UGT1A6: variants seen among roughly 807,000 people sequenced by gnomAD.
The protein encoded by UGT1A6 is UDP-glucuronosyltransferase 1A6.
A neutral mutation model predicts 44.4 loss-of-function variants in UGT1A6; 32 were observed. That is an observed-to-expected ratio of 0.72 (90% CI 0.54 to 0.97). The LOEUF (loss-of-function observed/expected upper bound fraction) is 0.97. UGT1A6 is among the 50% of genes least tolerant of loss of function. The pLI is 0.00. For synonymous variants in UGT1A6, 238 were observed against 248.5 expected (o/e 0.96, Z 0.40); for missense variants, 685 against 661.9 (o/e 1.03, Z -0.38).
rs886044683 is a variant in UGT1A6 at position 233,760,424 on chromosome 2, C to T, written c.862-6610C>T. The T allele has an allele frequency of 3.3e-5, 53 of 1,614,062 alleles. No individual in the cohort carries two copies. Among genetic ancestry groups the T allele is most frequent in the Non-Finnish European group, 4.4e-5 (52 of 1,180,038 alleles). On this transcript the variant is annotated intron_variant, in intron 1 of 4. Coordinates refer to ENST00000305139, the MANE Select transcript of UGT1A6 (RefSeq NM_001072.4). ...AGCCACTGGCTGAGCATGCTTGGGG[C>T]CATCCAGCAGCTGCAGCAGAGGGGA...
intron 1 of UGT1A6, among the ~76,000 whole-genome samples, chr2:233,762,360 A>G (rs1698052842): frequency 6.6e-6 from 1 of 152,238 alleles, no homozygotes; most frequent in Non-Finnish European, 1.5e-5. Context: ...TACTCCAGCT[A>G]TTACATACCA....
intron 1 of UGT1A6, among the ~76,000 whole-genome samples, chr2:233,737,380 C>T (rs1472756282): frequency 6.6e-6 from 1 of 152,238 alleles, no homozygotes; most frequent in Non-Finnish European, 1.5e-5. Context: ...GGGAGAGAAT[C>T]TCCTTGTCTG....
At position 233,729,155 on chromosome 2, in the gene UGT1A6, C is replaced by T. The variant is rs754518469; in HGVS notation, c.861+35290C>T. The T allele has an allele frequency of 1.4e-5, 23 of 1,613,596 alleles. No homozygotes were observed. The highest frequency in any genetic ancestry group is 5.0e-5 in the Admixed American group (3 of 60,022). On this transcript the variant is annotated intron_variant, in intron 1 of 4. Coordinates refer to ENST00000305139, the MANE Select transcript of UGT1A6 (RefSeq NM_001072.4). ...GCCACAGGACTCCAGGTTCCCCTGC[C>T]GTGGCTGGCCACAGGACTGCTGCTT...
At chr2:233,695,723 A>G (rs1232477680) in intron 1 of UGT1A6, among the ~76,000 whole-genome samples, 1 of 152,152 alleles carries the variant, frequency 6.6e-6, no homozygotes, top group Non-Finnish European at 1.5e-5. Flanking sequence ...ACTTCCAGTT[A>G]CATTTATGTT....
intron 1 of UGT1A6, chr2:233,755,212 T>G (rs1192331400): frequency 1.0e-5 from 11 of 1,054,576 alleles, no homozygotes; most frequent in Admixed American, 3.8e-5. Context: ...TACGCCTTCT[T>G]GATACCCTCG....
rs182081835 is a variant in UGT1A6 at position 233,702,413 on chromosome 2, T to G, written c.861+8548T>G. 3.3e-3 allele frequency among the ~76,000 whole-genome samples: 497 copies of G among 152,322 alleles called. 1 individual carries two copies. Among genetic ancestry groups the G allele is most frequent in the South Asian group, 4.6e-3 (22 of 4,828 alleles). On this transcript the variant is annotated intron_variant, in intron 1 of 4. Coordinates refer to ENST00000305139, the MANE Select transcript of UGT1A6 (RefSeq NM_001072.4). ...AGATCATGTTATCTACAAATAGAGA[T>G]AGCGTTACTTCTTCCTTTCTAATAA... is the stretch of plus-strand genomic sequence containing the variant.
intron 1 of UGT1A6, among the ~76,000 whole-genome samples, chr2:233,703,389 A>T (rs77142050): frequency 0.032 from 4,829 of 151,980 alleles, 259 homozygotes; most frequent in African/African-American, 0.11. Flanking sequence ...TATATTTTCA[A>T]ATAAACAATT....
intron 1 of UGT1A6, among the ~76,000 whole-genome samples, chr2:233,714,507 T>A (rs1275407158): frequency 6.6e-6 from 1 of 152,186 alleles, no homozygotes; most frequent in African/African-American, 2.4e-5. Flanking sequence ...TTAAAAAAAA[T>A]TCTTACTAGG....
intron 1 of UGT1A6, chr2:233,747,444 A>G: frequency 6.2e-7 from 1 of 1,609,016 alleles, no homozygotes; most frequent in East Asian, 2.2e-5. Flanking sequence ...TTTCACCCTG[A>G]CAACCTATGC....
In UGT1A6 at chr2:233,733,915, C is replaced by T. The variant is rs114264669; in HGVS notation, c.862-33119C>T. On this transcript the variant is annotated intron_variant, in intron 1 of 4. Coordinates refer to ENST00000305139, the MANE Select transcript of UGT1A6 (RefSeq NM_001072.4). ...CTGTTTGTACCTCTCTGGTAGAATT[C>T]GGCTGTGAGGAAGGGGAACATCACA... is the stretch of plus-strand genomic sequence containing the variant. Among the ~76,000 whole-genome samples, 1,498 of 151,134 alleles carry T rather than the reference C, an allele frequency of 9.9e-3. 23 individuals are homozygous for T. The highest frequency in any genetic ancestry group is 0.035 in the African/African-American group (1,427 of 41,026).
At chr2:233,705,248 A>G (rs2125599704) in intron 1 of UGT1A6, among the ~76,000 whole-genome samples, 1 of 152,180 alleles carries the variant, frequency 6.6e-6, no homozygotes, top group African/African-American at 2.4e-5. Flanking sequence ...ATGAATTCAG[A>G]TTATTCTATG....
chr2:233,748,845 C>A (rs936990961), intron 1 of UGT1A6, among the ~76,000 whole-genome samples: 1 of 151,120 alleles, frequency 6.6e-6, no homozygotes, highest in South Asian at 2.1e-4. Context: ...AAACTGTGAG[C>A]GTATAAGCCC....
chr2:233,757,535 A>AATATATAT lies in UGT1A6; in HGVS notation c.862-9480_862-9473dup, dbSNP rs67292694. On this transcript the variant is annotated intron_variant, in intron 1 of 4. Transcript: ENST00000305139. ...CAAAGCCAAAATCTTGCCTGTAAGG[A>AATATATAT]ATATATATATATATATATATATATA... Among the ~76,000 whole-genome samples the AATATATAT allele has an allele frequency of 9.1e-3, 800 of 88,270 alleles. 30 individuals are homozygous for AATATATAT. Among genetic ancestry groups the AATATATAT allele is most frequent in the African/African-American group, 0.032 (642 of 19,900 alleles). The allele number at this position is 88,270 out of a possible 152,430, so 57.9% of individuals were successfully genotyped here.
chr2:233,694,172 G>C (rs2075203496), intron 1 of UGT1A6, among the ~76,000 whole-genome samples: 1 of 152,246 alleles, frequency 6.6e-6, no homozygotes, highest in African/African-American at 2.4e-5. Flanking sequence ...AGAGGTGAAG[G>C]CTTGACTAAG....
At chr2:233,752,307 G>C (rs1030795011) in intron 1 of UGT1A6, 2 of 152,160 alleles carry the variant, frequency 1.3e-5, no homozygotes, top group African/African-American at 4.8e-5. Context: ...TTCCTTGCCC[G>C]GTGTGCTTGG....
chr2:233,756,239 T>C (rs1242345996), intron 1 of UGT1A6: 1 of 152,226 alleles, frequency 6.6e-6, no homozygotes, highest in East Asian at 1.9e-4. Context: ...ACAACCCTCC[T>C]TCCCCATACC....
Position 233,734,360 on chromosome 2 carries a change from C to A in UGT1A6, c.862-32674C>A, listed in dbSNP as rs565800937. 2.0e-5 allele frequency among the ~76,000 whole-genome samples: 3 copies of A among 152,192 alleles called. No homozygotes were observed. The East Asian group carries it at 5.8e-4, about 29-fold the overall frequency. On this transcript the variant is annotated intron_variant, in intron 1 of 4. Transcript: ENST00000305139. ...ATGGTAGTTTGTATTTCTGTGGGAT[C>A]GGTGGTGATATTGCCTTTACTATTT...
At chr2:233,746,367 C>T (rs1317726089) in intron 1 of UGT1A6, among the ~76,000 whole-genome samples, 1 of 151,694 alleles carries the variant, frequency 6.6e-6, no homozygotes, top group Non-Finnish European at 1.5e-5. Flanking sequence ...AGTAACAAGT[C>T]CCTTCATTCT....
Position 233,768,400 on chromosome 2 carries a change from A to T in UGT1A6, c.1262A>T (p.Asp421Val). The change falls in exon 4 of 5, where the codon GAT becomes GTT. Residue 421 changes from aspartate (D) to valine (V), a missense_variant. Transcript: ENST00000305139. ...TLNVLEMTSE[D>V]LENALKAVIN... ...AATGTTCTGGAAATGACTTCTGAAG[A>T]TTTAGAAAATGCTCTAAAAGCAGTC... The T allele has an allele frequency of 6.2e-7, 1 of 1,614,204 alleles. No homozygotes were observed. The highest frequency in any genetic ancestry group is 8.5e-7 in the Non-Finnish European group (1 of 1,180,040).
Sources: gnomAD v4.1 joint callset for allele counts (sites outside exome capture counted in the v4.1 genomes callset) on GRCh38, gnomAD v4.1.1 for gene constraint, MANE v1.5 for transcripts, NCBI Gene and HGNC (gene_info 2026-07-23, HGNC 2026-07-21) for gene names.